Variants in AKAP6 observed in about 807,000 individuals in gnomAD.
AKAP6 encodes A-kinase anchor protein 6.
Under a neutral mutation model 188.5 loss-of-function variants are expected in AKAP6, and 58 were observed. The ratio of observed to expected loss-of-function variants is 0.31; its 90% CI spans 0.25 to 0.38. The LOEUF is 0.38. Among genes scored for constraint, AKAP6 ranks in the 10% least tolerant of loss-of-function variants. The pLI is 1.00. For missense variants in AKAP6, 2,710 were observed against 2,740.0 expected (o/e 0.99, Z 0.24); for synonymous variants, 989 against 998.6 (o/e 0.99, Z 0.18).
chr14:32,819,542 T>A (rs2034467970), intron 12 of AKAP6, among the ~76,000 whole-genome samples: 1 of 152,192 alleles, frequency 6.6e-6, no homozygotes, highest in Admixed American at 6.5e-5. Context: ...GAATCCCTTG[T>A]GGTTTTAATA....
intron 2 of AKAP6, among the ~76,000 whole-genome samples, chr14:32,477,629 G>A (rs145596098): frequency 5.3e-5 from 8 of 152,252 alleles, no homozygotes; most frequent in East Asian, 1.9e-4. Flanking sequence ...TTGTATCACC[G>A]ACTTGCAAAA....
chr14:32,379,915 C>T (rs977507205), intron 1 of AKAP6, among the ~76,000 whole-genome samples: 1 of 152,256 alleles, frequency 6.6e-6, no homozygotes, highest in South Asian at 2.1e-4. Context: ...CACAATCAGC[C>T]CATCTTTTCT....
At position 32,837,638 on chromosome 14, in the gene AKAP6, C is replaced by T. The variant is rs1339568559; in HGVS notation, c.*7833C>T. 1 of 152,122 alleles carries T rather than the reference C, an allele frequency of 6.6e-6. No homozygotes were observed. Among genetic ancestry groups the T allele is most frequent in the East Asian group, 1.9e-4 (1 of 5,196 alleles). 9.4% of individuals were successfully genotyped at this position (152,122 alleles called of 1,614,324 possible). On this transcript the variant is annotated 3_prime_UTR_variant, in exon 14 of 14. Coordinates refer to ENST00000280979, the MANE Select transcript of AKAP6 (RefSeq NM_004274.5). ...TAAAGTGTCTTTTTATATAGAAAGCCAAGTTGGTGGAATTTATCTTGTCAT... is the reference window on the plus strand; with the variant it reads ...TAAAGTGTCTTTTTATATAGAAAGCTAAGTTGGTGGAATTTATCTTGTCAT...
chr14:32,621,649 G>T (rs1886819130), intron 7 of AKAP6, among the ~76,000 whole-genome samples: 1 of 152,080 alleles, frequency 6.6e-6, no homozygotes, highest in Non-Finnish European at 1.5e-5. Flanking sequence ...ATATTATACA[G>T]TTCTTAGGTA....
At chr14:32,371,276 A>G (rs1887998255) in intron 1 of AKAP6, among the ~76,000 whole-genome samples, 1 of 152,244 alleles carries the variant, frequency 6.6e-6, no homozygotes, top group Admixed American at 6.5e-5. Context: ...GTAAATACAT[A>G]AAATGTACAC....
chr14:32,696,326 T>C (rs536340518), intron 9 of AKAP6, among the ~76,000 whole-genome samples: 4 of 152,344 alleles, frequency 2.6e-5, no homozygotes, highest in Admixed American at 2.0e-4. Context: ...TCACATTCTA[T>C]TTGCTGTAAT....
intron 9 of AKAP6, among the ~76,000 whole-genome samples, chr14:32,727,031 C>T (rs1466883021): frequency 1.3e-5 from 2 of 151,996 alleles, no homozygotes; most frequent in African/African-American, 4.8e-5. Flanking sequence ...CATACAAAGG[C>T]TTCAGAAGGA....
chr14:32,744,306 A>ATTTTT (rs1555358400), intron 11 of AKAP6, among the ~76,000 whole-genome samples: 7 of 148,224 alleles, frequency 4.7e-5, no homozygotes, highest in African/African-American at 9.9e-5. Context: ...TTTTTTTTTA[A>ATTTTT]TTATTTTATT....
At chr14:32,684,230 A>G (rs1303933092) in intron 8 of AKAP6, among the ~76,000 whole-genome samples, 1 of 152,208 alleles carries the variant, frequency 6.6e-6, no homozygotes, top group Non-Finnish European at 1.5e-5. Context: ...GAGAGCCAAG[A>G]ATTTACCTTG....
At chr14:32,355,107 A>G (rs1173636846) in intron 1 of AKAP6, among the ~76,000 whole-genome samples, 1 of 152,110 alleles carries the variant, frequency 6.6e-6, no homozygotes, top group Non-Finnish European at 1.5e-5. Context: ...GGAGTCTGTG[A>G]TCTACCTCAT....
At position 32,378,925 on chromosome 14, in the gene AKAP6, T is replaced by G. The variant is rs1048502862; in HGVS notation, c.-35+49517T>G. Among the ~76,000 whole-genome samples the G allele has an allele frequency of 6.9e-4, 104 of 151,130 alleles. No individual in the cohort carries two copies. The East Asian group carries it at 0.014, about 21-fold the overall frequency. On this transcript the variant is annotated intron_variant, in intron 1 of 13. Coordinates refer to ENST00000280979, the MANE Select transcript of AKAP6 (RefSeq NM_004274.5). The stretch of plus-strand genomic sequence containing the variant: ...CTTTTCTGTCTTTCTTCCTTTTTTT[T>G]TTTTTTTTTTGAGACCGAATTTCAC...
chr14:32,771,341 G>GAAA (rs57706321), intron 11 of AKAP6, among the ~76,000 whole-genome samples: 9 of 141,108 alleles, frequency 6.4e-5, no homozygotes, highest in Non-Finnish European at 9.3e-5. Flanking sequence ...TCATTTAAAG[G>GAAA]AAAAAAAAAA....
rs1344609881 is a variant in AKAP6, at chr14:32,568,134, C to T, written c.2347-8986C>T. Among the ~76,000 whole-genome samples the T allele has an allele frequency of 1.3e-5, 2 of 152,132 alleles. No individual in the cohort carries two copies. Among genetic ancestry groups the T allele is most frequent in the Non-Finnish European group, 2.9e-5 (2 of 68,020 alleles). On this transcript the variant is annotated intron_variant, in intron 4 of 13. Transcript: ENST00000280979. This position sits in a 1 kb window ranked among gnomAD's most constrained non-coding sequence, Gnocchi z 6.2. ...TCTGATAGGAATGATTGAACTGTGA[C>T]AAGAGCTGGGGTTCTCAGAGAAGCT...
chr14:32,546,970 A>G lies in AKAP6; in HGVS notation c.2317A>G (p.Asn773Asp), dbSNP rs1202815078. ...KLMQDIQHQD[N>D]YEAIWEKIEG... ...GATGCAAGATATTCAGCACCAAGAC[A>G]ACTATGAAGCCATATGGGAAAAAAT... Residue 773 changes from asparagine to aspartate, a missense_variant, in exon 4 of 14, where the codon AAC (asparagine) becomes GAC (aspartate). By Grantham distance (23) the Asn-to-Asp change is conservative. Coordinates refer to ENST00000280979, the MANE Select transcript of AKAP6 (RefSeq NM_004274.5). The G allele has an allele frequency of 6.2e-7, 1 of 1,604,430 alleles. No homozygotes were observed. Among genetic ancestry groups the G allele is most frequent in the East Asian group, 2.2e-5 (1 of 44,848 alleles).
intron 11 of AKAP6, among the ~76,000 whole-genome samples, chr14:32,750,593 T>C (rs910970901): frequency 1.3e-5 from 2 of 151,232 alleles, no homozygotes; most frequent in Admixed American, 6.6e-5. Flanking sequence ...TATCTAAGTG[T>C]GGTGGTGGGT....
chr14:32,562,953 T>G (rs1443476967), intron 4 of AKAP6, among the ~76,000 whole-genome samples: 2 of 152,196 alleles, frequency 1.3e-5, no homozygotes, highest in Non-Finnish European at 2.9e-5. Context: ...GACCAGAGTC[T>G]TCTTAATAGG....
chr14:32,831,608 C>A lies in AKAP6; in HGVS notation c.*1803C>A, dbSNP rs2034820529. 6.6e-6 allele frequency: 1 copy of A among 152,158 alleles called. No homozygotes were observed. Among genetic ancestry groups the A allele is most frequent in the African/African-American group, 2.4e-5 (1 of 41,432 alleles). 9.4% of individuals were successfully genotyped at this position (152,158 alleles called of 1,614,324 possible). On this transcript the variant is annotated 3_prime_UTR_variant, in exon 14 of 14. Transcript: ENST00000280979. ...GTTGAACAAACAGACAAAGCCCTGC[C>A]CTCAGAAGGCTGTCCTGCATTAGGA... is the stretch of plus-strand genomic sequence containing the variant.
chr14:32,509,629 G>A (rs529267059), intron 2 of AKAP6, among the ~76,000 whole-genome samples: 51 of 152,264 alleles, frequency 3.3e-4, no homozygotes, highest in Non-Finnish European at 6.3e-4. Flanking sequence ...TGGAGTGGGT[G>A]CACTCTTTTA....
chr14:32,595,539 T>C (rs754052776), intron 5 of AKAP6, among the ~76,000 whole-genome samples: 13 of 152,120 alleles, frequency 8.5e-5, no homozygotes, highest in Non-Finnish European at 1.5e-4. Context: ...GACACAGTCT[T>C]GCTCTATTGC....
Sources: allele counts gnomAD v4.1 joint callset (sites outside exome capture counted in the v4.1 genomes callset), GRCh38; gene constraint gnomAD v4.1.1; non-coding constraint Gnocchi (gnomAD v3.1); transcripts MANE v1.5; gene names NCBI Gene and HGNC (gene_info 2026-07-23, HGNC 2026-07-21).